The following E2F3 variants were observed in gnomAD, a reference collection of about 807,000 sequenced individuals.
E2F3 encodes transcription factor E2F3.
In E2F3, 11 loss-of-function variants were observed where a neutral mutation model predicts 44.4. That is an observed-to-expected ratio of 0.25 (90% CI 0.16 to 0.41). The LOEUF (loss-of-function observed/expected upper bound fraction) is 0.41. Ranked by LOEUF, E2F3 falls within the 10% of genes least tolerant of loss-of-function variation. The probability of loss-of-function intolerance (pLI) is 1.00; values close to 1 mark genes in which losing one functional copy is unlikely to be tolerated. For missense variants in E2F3, 487 were observed against 583.6 expected, an observed-to-expected ratio of 0.83 and a Z score of 1.70; for synonymous variants, 249 against 253.0, an observed-to-expected ratio of 0.98 and a Z score of 0.15.
chr6:20,479,988 TC>T, intron 2 of E2F3, 31 bp downstream of exon 2: 2 of 1,571,750 alleles, frequency 1.3e-6, no homozygotes, highest in Non-Finnish European at 1.7e-6. Context: ...TTCCTTATTC[TC>T]CTTGGTATGG....
At position 20,456,100 on chromosome 6, in the gene E2F3, T is replaced by C. The variant is rs554315205; in HGVS notation, c.394-23746T>C. On this transcript the variant is annotated intron_variant, in intron 1 of 6. Coordinates refer to ENST00000346618, the MANE Select transcript of E2F3 (RefSeq NM_001949.5). ...TCTGGTAAATTTAGCTTTTGCCAGG[T>C]TCCGGTGGGTCTTACCCAGAGATGG... Among the ~76,000 whole-genome samples the C allele has an allele frequency of 2.6e-5, 4 of 152,274 alleles. No homozygotes were observed. In the South Asian group the frequency reaches 8.3e-4, roughly 32 times the overall value.
chr6:20,450,370 T>TC (rs1392835558), intron 1 of E2F3, among the ~76,000 whole-genome samples: 1 of 152,210 alleles, frequency 6.6e-6, no homozygotes, highest in Non-Finnish European at 1.5e-5. Flanking sequence ...TTTCTAATGA[T>TC]CAGTGACATT....
In E2F3 at chr6:20,460,511, T is replaced by C. The variant is rs532659702; in HGVS notation, c.394-19335T>C. ...TGCAGGTACATAATGTTCTATAATA[T>C]GGGTATATAAGATAAAATGGTTTAT... On this transcript the variant is annotated intron_variant, in intron 1 of 6. Transcript: ENST00000346618. 7.9e-5 allele frequency among the ~76,000 whole-genome samples: 12 copies of C among 152,344 alleles called. No homozygotes were observed. The South Asian group carries it at 1.9e-3, about 24-fold the overall frequency.
chr6:20,476,634 G>A (rs1470433406), intron 1 of E2F3, among the ~76,000 whole-genome samples: 1 of 152,176 alleles, frequency 6.6e-6, no homozygotes, highest in South Asian at 2.1e-4. Context: ...ACATTCCTGG[G>A]GTTAGCCTTT....
intron 1 of E2F3, among the ~76,000 whole-genome samples, chr6:20,455,194 C>T (rs1220394679): frequency 1.3e-5 from 2 of 152,146 alleles, no homozygotes; most frequent in Non-Finnish European, 2.9e-5. Flanking sequence ...AAATCAACTC[C>T]TTTTTGGATG....
chr6:20,485,606 A>G (rs1192203157), intron 4 of E2F3, among the ~76,000 whole-genome samples: 5 of 152,122 alleles, frequency 3.3e-5, no homozygotes, highest in Non-Finnish European at 7.4e-5. Context: ...AACTACCAAG[A>G]GTACTGAGAT....
At chr6:20,444,070 G>A (rs1760860183) in intron 1 of E2F3, among the ~76,000 whole-genome samples, 1 of 152,088 alleles carries the variant, frequency 6.6e-6, no homozygotes, top group Non-Finnish European at 1.5e-5. Context: ...AGTCAGGCAT[G>A]GTGGTGTGCG....
chr6:20,487,978 A>G, intron 5 of E2F3, 135 bp from the exon 6 acceptor site: 1 of 1,230,130 alleles, frequency 8.1e-7, no homozygotes, highest in Non-Finnish European at 1.1e-6. Flanking sequence ...ACAGTCTTTC[A>G]TAGAGTTGGA....
chr6:20,420,821 CAA>C (rs1329001803), intron 1 of E2F3, among the ~76,000 whole-genome samples: 1 of 152,150 alleles, frequency 6.6e-6, no homozygotes, highest in Non-Finnish European at 1.5e-5. Flanking sequence ...AAGAAAAAAT[CAA>C]GTTTTCCACA....
intron 6 of E2F3, among the ~76,000 whole-genome samples, chr6:20,488,864 C>T (rs995354261): frequency 1.3e-5 from 2 of 151,970 alleles, no homozygotes; most frequent in East Asian, 1.9e-4. Flanking sequence ...CGTGGTGGCA[C>T]GTGCCTGTAA....
chr6:20,413,465 C>G (rs977175279), intron 1 of E2F3, among the ~76,000 whole-genome samples: 1 of 152,210 alleles, frequency 6.6e-6, no homozygotes, highest in Non-Finnish European at 1.5e-5. Context: ...AGCCTCATAC[C>G]TGCTCTCGTG....
At chr6:20,473,183 T>C (rs1216290651) in intron 1 of E2F3, among the ~76,000 whole-genome samples, 1 of 152,246 alleles carries the variant, frequency 6.6e-6, no homozygotes. Flanking sequence ...ACATTTATTA[T>C]ATGTAAAGAA....
intron 1 of E2F3, among the ~76,000 whole-genome samples, chr6:20,435,177 T>G (rs1334793436): frequency 6.6e-6 from 1 of 152,188 alleles, no homozygotes; most frequent in East Asian, 1.9e-4. Context: ...TCAAGTTTGG[T>G]GATCACATGC....
chr6:20,479,262 G>C (rs901590863), intron 1 of E2F3, among the ~76,000 whole-genome samples: 1 of 152,192 alleles, frequency 6.6e-6, no homozygotes, highest in Non-Finnish European at 1.5e-5. Context: ...TATATAGAGA[G>C]AGTGATTGAA....
At chr6:20,433,829 A>G (rs955683613) in intron 1 of E2F3, among the ~76,000 whole-genome samples, 1 of 152,164 alleles carries the variant, frequency 6.6e-6, no homozygotes, top group Non-Finnish European at 1.5e-5. Flanking sequence ...GGAGGCGTCT[A>G]TGGCACGAAA....
intron 1 of E2F3, chr6:20,403,598 G>A: frequency 2.1e-6 from 1 of 467,554 alleles, no homozygotes; most frequent in Non-Finnish European, 3.8e-6. Flanking sequence ...CGCTGGAGGG[G>A]GAGAGGGGGG....
intron 1 of E2F3, among the ~76,000 whole-genome samples, chr6:20,472,790 T>G (rs533621700): frequency 6.6e-6 from 1 of 152,342 alleles, no homozygotes; most frequent in South Asian, 2.1e-4. Flanking sequence ...GCCAGCATGA[T>G]TATTCATTGG....
intron 1 of E2F3, among the ~76,000 whole-genome samples, chr6:20,442,266 C>T (rs999897023): frequency 2.6e-5 from 4 of 152,300 alleles, no homozygotes; most frequent in East Asian, 3.9e-4. Flanking sequence ...GCTCGCCCTG[C>T]CTCCTCCAGA....
intron 1 of E2F3, among the ~76,000 whole-genome samples, chr6:20,477,550 A>G (rs1762087739): frequency 1.3e-5 from 2 of 152,098 alleles, no homozygotes; most frequent in Admixed American, 6.6e-5. Context: ...GGTTTCTCCA[A>G]CTTTAAGGTG....
Sources: allele counts gnomAD v4.1 joint callset (sites outside exome capture counted in the v4.1 genomes callset), GRCh38; gene constraint gnomAD v4.1.1; transcripts MANE v1.5; gene names NCBI Gene and HGNC (gene_info 2026-07-23, HGNC 2026-07-21).